BRAF: variants seen among roughly 807,000 people sequenced by gnomAD.
BRAF encodes B-Raf proto-oncogene, serine/threonine kinase, also known as serine/threonine-protein kinase B-raf.
A neutral mutation model predicts 104.6 loss-of-function variants in BRAF; 16 were observed. The ratio of observed to expected loss-of-function variants is 0.15; its 90% CI spans 0.10 to 0.23. The LOEUF (loss-of-function observed/expected upper bound fraction) is 0.23, where lower values mean the gene tolerates loss of function less well. Ranked by LOEUF, BRAF falls within the 10% of genes least tolerant of loss-of-function variation. The pLI is 1.00. For synonymous variants in BRAF, 310 were observed against 341.6 expected (o/e 0.91, Z 1.02); for missense variants, 541 against 937.3 (o/e 0.58, Z 5.52).
intron 1 of BRAF, among the ~76,000 whole-genome samples, chr7:140,922,977 T>C (rs1339208687): frequency 6.6e-6 from 1 of 152,058 alleles, no homozygotes; most frequent in African/African-American, 2.4e-5. Context: ...GGAACAGATA[T>C]GAGAGGAAAC....
Position 140,721,881 on chromosome 7 carries a change from G to A in BRAF, c.*4613C>T, listed in dbSNP as rs755528960. The A allele has an allele frequency of 7.1e-6, 9 of 1,260,816 alleles. No homozygotes were observed. Among genetic ancestry groups the A allele is most frequent in the African/African-American group, 6.2e-5 (4 of 64,868 alleles). The allele number at this position is 1,260,816 out of a possible 1,614,324, so 78.1% of individuals were successfully genotyped here. ...GGGACAGGATGACTAACGCAGTCCA[G>A]CTTCATGTGCAATCAAGTCCCGGGA... On this transcript the variant is annotated 3_prime_UTR_variant, in exon 20 of 20. Transcript: ENST00000644969.
intron 17 of BRAF, among the ~76,000 whole-genome samples, chr7:140,748,590 C>A (rs956072826): frequency 6.6e-6 from 1 of 152,166 alleles, no homozygotes; most frequent in African/African-American, 2.4e-5. Context: ...TCTCTCTACA[C>A]ACACAATCAC....
intron 17 of BRAF, 94 bp from the exon 17 acceptor site, chr7:140,740,040 T>C: frequency 7.4e-7 from 1 of 1,350,750 alleles, no homozygotes; most frequent in Non-Finnish European, 1.0e-6. Flanking sequence ...GCTGTACATT[T>C]ACAGCTTACG....
chr7:140,848,707 C>T (rs1194178386), intron 2 of BRAF, among the ~76,000 whole-genome samples: 1 of 152,152 alleles, frequency 6.6e-6, no homozygotes, highest in African/African-American at 2.4e-5. Flanking sequence ...CCTTATGACA[C>T]CTTTGATCAG....
intron 1 of BRAF, among the ~76,000 whole-genome samples, chr7:140,864,495 A>G (rs1221914373): frequency 6.6e-6 from 1 of 152,162 alleles, no homozygotes; most frequent in African/African-American, 2.4e-5. Flanking sequence ...GGCTGAAGAC[A>G]TATTTGGGTG....
chr7:140,740,087 ACCAATG>A (rs1368283806), intron 17 of BRAF, 141 bp from the exon 17 acceptor site: 22 of 839,554 alleles, frequency 2.6e-5, no homozygotes, highest in Non-Finnish European at 3.5e-5. Context: ...GTTTTAAAAA[ACCAATG>A]CCACATCATA....
chr7:140,714,877 G>A (rs1383915380), downstream of BRAF, among the ~76,000 whole-genome samples: 1 of 152,168 alleles, frequency 6.6e-6, no homozygotes, highest in African/African-American at 2.4e-5. Context: ...GAGGGCATTT[G>A]AGCTGAAAGC....
intron 3 of BRAF, among the ~76,000 whole-genome samples, chr7:140,811,885 C>T (rs781063121): frequency 3.9e-5 from 6 of 152,106 alleles, no homozygotes; most frequent in Non-Finnish European, 8.8e-5. Context: ...ATAACTACTA[C>T]GAACAATGAG....
At chr7:140,798,858 T>C (rs1968140) in intron 7 of BRAF, among the ~76,000 whole-genome samples, 8,579 of 152,070 alleles carry the variant, frequency 0.056, 291 homozygotes, top group South Asian at 0.11. Context: ...ATTATTTTTA[T>C]TTTTTTGAGA....
intron 1 of BRAF, among the ~76,000 whole-genome samples, chr7:140,907,807 C>A (rs761165891): frequency 6.6e-6 from 1 of 151,554 alleles, no homozygotes; most frequent in Admixed American, 6.6e-5. Context: ...TGCAGTGGTG[C>A]CATCTCGGCT....
At chr7:140,803,568 A>T (rs1803349280) in intron 5 of BRAF, among the ~76,000 whole-genome samples, 1 of 152,154 alleles carries the variant, frequency 6.6e-6, no homozygotes, top group Admixed American at 6.5e-5. Context: ...AGACAATAAG[A>T]TCTATTTTTT....
At chr7:140,907,872 G>A (rs1816507258) in intron 1 of BRAF, among the ~76,000 whole-genome samples, 1 of 151,960 alleles carries the variant, frequency 6.6e-6, no homozygotes, top group Non-Finnish European at 1.5e-5. Flanking sequence ...AGCCTCCTGA[G>A]CAGCTGGGAT....
At chr7:140,833,120 G>A (rs935568659) in intron 3 of BRAF, among the ~76,000 whole-genome samples, 6 of 152,018 alleles carry the variant, frequency 3.9e-5, no homozygotes, top group Non-Finnish European at 7.4e-5. Context: ...TCCTGACCTC[G>A]TGATCTGCCC....
rs1362943054 is a variant in BRAF at position 140,726,459 on chromosome 7, TTAAGAAA to T, written c.*28_*34del. The stretch of plus-strand genomic sequence containing the variant: ...TTAACAAATTGTACGAACACAAGAC[TTAAGAAA>T]TAAGAGCAGATGCTGCCATGATGGT... On this transcript the variant is annotated 3_prime_UTR_variant, in exon 20 of 20. Transcript: ENST00000644969. 2.0e-6 allele frequency: 3 copies of T among 1,535,952 alleles called. No individual in the cohort carries two copies. The African/African-American group carries it at 4.1e-5, about 21-fold the overall frequency.
chr7:140,770,170 T>C (rs559207708), intron 14 of BRAF, among the ~76,000 whole-genome samples: 1 of 152,310 alleles, frequency 6.6e-6, no homozygotes, highest in East Asian at 1.9e-4. Context: ...CAGCACCCTA[T>C]TATTATTTTT....
chr7:140,852,309 C>A (rs534071867), intron 1 of BRAF, among the ~76,000 whole-genome samples: 2 of 149,018 alleles, frequency 1.3e-5, no homozygotes, highest in African/African-American at 4.9e-5. Flanking sequence ...GTTGAGGCTG[C>A]GGTGAGCCAT....
chr7:140,871,847 T>G (rs1186324929), intron 1 of BRAF, among the ~76,000 whole-genome samples: 1 of 152,182 alleles, frequency 6.6e-6, no homozygotes, highest in Non-Finnish European at 1.5e-5. Flanking sequence ...GCTAATATAC[T>G]GCATAGCACA....
chr7:140,812,147 T>C (rs1372219334), intron 3 of BRAF, among the ~76,000 whole-genome samples: 1 of 150,698 alleles, frequency 6.6e-6, no homozygotes. Context: ...TGGGCATGCA[T>C]GTGCATGCAC....
At chr7:140,902,163 TA>T (rs1349522142) in intron 1 of BRAF, among the ~76,000 whole-genome samples, 1 of 152,254 alleles carries the variant, frequency 6.6e-6, no homozygotes, top group Non-Finnish European at 1.5e-5. Flanking sequence ...TCCAACAGCA[TA>T]TGCTCACTTC....
Sources: gnomAD v4.1 joint callset for allele counts (sites outside exome capture counted in the v4.1 genomes callset) on GRCh38, gnomAD v4.1.1 for gene constraint, MANE v1.5 for transcripts, NCBI Gene and HGNC (gene_info 2026-07-23, HGNC 2026-07-21) for gene names.